The following HMGXB4 variants were observed in gnomAD, a reference collection of about 807,000 sequenced individuals.
HMGXB4 encodes the protein HMG-box containing 4.
A neutral mutation model predicts 63.9 loss-of-function variants in HMGXB4; 27 were observed. That is an observed-to-expected ratio of 0.42 (90% CI 0.31 to 0.58). The LOEUF (loss-of-function observed/expected upper bound fraction) is 0.58, where lower values mean the gene tolerates loss of function less well. Among genes scored for constraint, HMGXB4 ranks in the 20% least tolerant of loss-of-function variants. The probability of loss-of-function intolerance (pLI) is 0.13; values close to 1 mark genes in which losing one functional copy is unlikely to be tolerated. For synonymous variants in HMGXB4, 264 were observed against 265.3 expected (o/e 0.99, Z 0.05); for missense variants, 624 against 700.7 (o/e 0.89, Z 1.24).
At chr22:35,263,465 C>G (rs1279282559) in intron 3 of HMGXB4, among the ~76,000 whole-genome samples, 1 of 151,858 alleles carries the variant, frequency 6.6e-6, no homozygotes, top group East Asian at 1.9e-4. Flanking sequence ...TGTATTTTAT[C>G]AGAGACAGGG....
At chr22:35,263,428 C>T (rs1922994962) in intron 3 of HMGXB4, among the ~76,000 whole-genome samples, 2 of 151,786 alleles carry the variant, frequency 1.3e-5, no homozygotes, top group African/African-American at 4.8e-5. Flanking sequence ...GAATTACAGG[C>T]GCGGGCCACC....
At chr22:35,263,300 GTT>G (rs878951590) in intron 3 of HMGXB4, 74 bp downstream of exon 3, 1,095 of 864,396 alleles carry the variant, frequency 1.3e-3, no homozygotes, top group East Asian at 1.8e-3. Context: ...GTTTTTTTTT[GTT>G]TTTTTTTTTT....
intron 5 of HMGXB4, among the ~76,000 whole-genome samples, chr22:35,278,924 G>A (rs1024347220): frequency 6.6e-6 from 1 of 150,404 alleles, no homozygotes; most frequent in Non-Finnish European, 1.5e-5. Context: ...GCACGCACTC[G>A]TAGTCTTAAC....
chr22:35,279,132 C>CTTTTTTTTT lies in HMGXB4; in HGVS notation c.1216-4807_1216-4799dup, dbSNP rs551006065. Among the ~76,000 whole-genome samples, 11 of 50,802 alleles carry CTTTTTTTTT rather than the reference C, an allele frequency of 2.2e-4. 1 individual carries two copies. The highest frequency in any genetic ancestry group is 2.7e-4 in the African/African-American group (3 of 10,946). 33.3% of individuals were successfully genotyped at this position (50,802 alleles called of 152,430 possible). ...TATTTTCTCACAGTCTATGGATTGT[C>CTTTTTTTTT]TTTTTTTTTTTTTTTTTTTTTTTTT... On this transcript the variant is annotated intron_variant, in intron 5 of 10. Transcript: ENST00000216106.
At chr22:35,266,605 TC>T (rs2146407346) in intron 5 of HMGXB4, among the ~76,000 whole-genome samples, 1 of 152,356 alleles carries the variant, frequency 6.6e-6, no homozygotes, top group Admixed American at 6.5e-5. Context: ...ATTAAAAGTT[TC>T]TTTTTTTATT....
rs777206507 is a variant in HMGXB4 at position 35,287,440 on chromosome 22, A to G, written c.1456A>G (p.Met486Val). Residue 486 changes from methionine (M) to valine (V), a missense_variant, in exon 8 of 11, where the codon ATG becomes GTG. This residue lies in a region of HMGXB4 where 152 missense variants were observed against 230.1 expected (regional missense o/e 0.66). Coordinates refer to ENST00000216106, the MANE Select transcript of HMGXB4 (RefSeq NM_001003681.3). The stretch of plus-strand genomic sequence containing the variant: ...GAAAGCATCCAGCTCAGAAGGTTCC[A>G]TGAAAGTCAAAGGTAGTGACCACAT... The part of the protein sequence containing the change: ...KRKASSSEGS[M>V]KVKASSVGVL... 5 of 1,612,212 alleles carry G rather than the reference A, an allele frequency of 3.1e-6. No homozygotes were observed. The highest frequency in any genetic ancestry group is 4.2e-6 in the Non-Finnish European group (5 of 1,178,592).
chr22:35,285,119 C>T (rs1924486590), intron 6 of HMGXB4, among the ~76,000 whole-genome samples: 1 of 152,162 alleles, frequency 6.6e-6, no homozygotes, highest in Non-Finnish European at 1.5e-5. Flanking sequence ...ATTAAAGACA[C>T]CAGAGGCAGG....
intron 1 of HMGXB4, chr22:35,258,350 C>T (rs1332070422): frequency 6.6e-6 from 1 of 152,182 alleles, no homozygotes; most frequent in Admixed American, 6.5e-5. Context: ...TTTTGGAGGG[C>T]TAAGCTGGTG....
intron 5 of HMGXB4, among the ~76,000 whole-genome samples, chr22:35,276,305 C>G (rs1157314556): frequency 2.0e-5 from 3 of 152,196 alleles, no homozygotes; most frequent in Non-Finnish European, 4.4e-5. Context: ...CTAGATTTTT[C>G]TCTCCACCAC....
At chr22:35,291,140 G>A (rs1479034543) in intron 9 of HMGXB4, among the ~76,000 whole-genome samples, 1 of 152,170 alleles carries the variant, frequency 6.6e-6, no homozygotes, top group South Asian at 2.1e-4. Context: ...GTGCACACCT[G>A]TAATCCTAGC....
At chr22:35,267,549 T>C (rs539783682) in intron 5 of HMGXB4, among the ~76,000 whole-genome samples, 32 of 152,286 alleles carry the variant, frequency 2.1e-4, no homozygotes, top group Non-Finnish European at 3.5e-4. Flanking sequence ...ACTTGTGCAA[T>C]TCCAGCTGCC....
At chr22:35,244,604 A>C in the HMGXB4 span, among the ~76,000 whole-genome samples, 1 of 152,212 alleles carries the variant, frequency 6.6e-6, no homozygotes, top group Admixed American at 6.5e-5. Context: ...GCATTGGGTC[A>C]TAGCCTGTTC....
intron 5 of HMGXB4, among the ~76,000 whole-genome samples, chr22:35,281,849 A>G (rs904180756): frequency 4.6e-5 from 7 of 152,230 alleles, no homozygotes; most frequent in African/African-American, 4.8e-5. Flanking sequence ...ATCTCATTCA[A>G]AGCAGTTACC....
intron 9 of HMGXB4, 69 bp from the exon 10 acceptor site, chr22:35,292,923 G>A: frequency 6.3e-7 from 1 of 1,594,844 alleles, no homozygotes; most frequent in South Asian, 1.1e-5. Context: ...TTAAAGTACT[G>A]TGTGAGGAAG....
chr22:35,295,772 C>T lies in HMGXB4; in HGVS notation c.*2121C>T, dbSNP rs1047504133. On this transcript the variant is annotated 3_prime_UTR_variant, in exon 11 of 11. Transcript: ENST00000216106. ...TTGTATAAAGAAATAAAATTTTGTA[C>T]TTATATTATTAAAAATCACATTTTT... is the stretch of plus-strand genomic sequence containing the variant. The T allele has an allele frequency of 1.0e-4, 16 of 152,410 alleles. No homozygotes were observed. The highest frequency in any genetic ancestry group is 3.9e-4 in the African/African-American group (16 of 41,386). 9.4% of individuals were successfully genotyped at this position (152,410 alleles called of 1,614,324 possible). A position where few individuals can be genotyped will look rare whatever the true frequency, so the allele number is the denominator to read the frequency against.
At chr22:35,253,610 CGCGCGCGT>C (rs111789749), upstream of HMGXB4, among the ~76,000 whole-genome samples, 23 of 151,974 alleles carry the variant, frequency 1.5e-4, no homozygotes, top group East Asian at 3.9e-3. Flanking sequence ...TGCGCGCGCG[CGCGCGCGT>C]GTGTGTGTGT....
At chr22:35,258,869 CTCT>C (rs1922643643) in intron 1 of HMGXB4, among the ~76,000 whole-genome samples, 1 of 152,178 alleles carries the variant, frequency 6.6e-6, no homozygotes, top group Non-Finnish European at 1.5e-5. Context: ...TTCAGAATTT[CTCT>C]TACTGTCCGT....
At chr22:35,260,625 A>T (rs979641285) in intron 1 of HMGXB4, among the ~76,000 whole-genome samples, 3 of 152,246 alleles carry the variant, frequency 2.0e-5, no homozygotes, top group Non-Finnish European at 4.4e-5. Context: ...TCTCCAATTG[A>T]ACTTTAAAAC....
At chr22:35,271,204 G>A (rs139935521) in intron 5 of HMGXB4, among the ~76,000 whole-genome samples, 26 of 151,858 alleles carry the variant, frequency 1.7e-4, no homozygotes, top group African/African-American at 6.3e-4. Context: ...ACAACCAGCT[G>A]GGCAATATGA....
Sources: allele counts gnomAD v4.1 joint callset (sites outside exome capture counted in the v4.1 genomes callset), GRCh38; gene constraint gnomAD v4.1.1; regional missense constraint gnomAD v4.1.1; transcripts MANE v1.5; gene names NCBI Gene and HGNC (gene_info 2026-07-23, HGNC 2026-07-21).